The following UBTD2 variants were observed in gnomAD, a reference collection of about 807,000 sequenced individuals.
UBTD2 encodes ubiquitin domain containing 2, also known as ubiquitin domain-containing protein 2.
In UBTD2, 9 loss-of-function variants were observed where a neutral mutation model predicts 19.8. The observed-to-expected ratio is 0.46, with a 90% CI of 0.27 to 0.79. UBTD2 has a LOEUF of 0.79. UBTD2 is among the 30% of genes least tolerant of loss of function. The probability of loss-of-function intolerance (pLI) is 0.14; values close to 1 mark genes in which losing one functional copy is unlikely to be tolerated. For synonymous variants in UBTD2, 98 were observed against 103.9 expected (o/e 0.94, Z 0.35); for missense variants, 250 against 300.4 (o/e 0.83, Z 1.24).
intron 1 of UBTD2, among the ~76,000 whole-genome samples, chr5:172,276,731 G>C (rs925969247): frequency 1.3e-5 from 2 of 151,772 alleles, no homozygotes; most frequent in Non-Finnish European, 2.9e-5. Flanking sequence ...ACGGAAGAAA[G>C]GGAAAGGGGG....
chr5:172,265,899 A>C (rs939910213), intron 1 of UBTD2, among the ~76,000 whole-genome samples: 7 of 151,720 alleles, frequency 4.6e-5, no homozygotes, highest in Non-Finnish European at 8.8e-5. Context: ...GCTAGTTTTA[A>C]GAACTGTAAT....
chr5:172,249,891 T>C (rs1754958266), intron 1 of UBTD2, among the ~76,000 whole-genome samples: 2 of 152,152 alleles, frequency 1.3e-5, no homozygotes, highest in Admixed American at 1.3e-4. Context: ...AGAAGAAAAC[T>C]TCCTCAACAT....
chr5:172,220,035 C>A (rs1241570679), intron 2 of UBTD2, among the ~76,000 whole-genome samples: 1 of 151,742 alleles, frequency 6.6e-6, no homozygotes, highest in African/African-American at 2.4e-5. Flanking sequence ...ACATTACAAG[C>A]AAACTACAGA....
intron 1 of UBTD2, among the ~76,000 whole-genome samples, chr5:172,252,950 CAG>C (rs1254689426): frequency 6.6e-6 from 1 of 152,202 alleles, no homozygotes. Context: ...TTGAAGCAAA[CAG>C]AAAAAAACTA....
intron 1 of UBTD2, among the ~76,000 whole-genome samples, chr5:172,255,706 TC>T (rs1476968587): frequency 6.6e-6 from 1 of 152,070 alleles, no homozygotes; most frequent in Non-Finnish European, 1.5e-5. Flanking sequence ...CCGGCGCCGC[TC>T]GCTCAGCAAG....
intron 1 of UBTD2, among the ~76,000 whole-genome samples, chr5:172,269,951 C>A (rs1251781740): frequency 6.6e-6 from 1 of 151,618 alleles, no homozygotes; most frequent in East Asian, 2.0e-4. Context: ...GTTGCGCATG[C>A]CTGTAATCCC....
chr5:172,226,062 C>T (rs547657556), intron 2 of UBTD2, among the ~76,000 whole-genome samples: 2 of 151,836 alleles, frequency 1.3e-5, no homozygotes, highest in Non-Finnish European at 2.9e-5. Flanking sequence ...CTTAGCCTCC[C>T]AAAGTAGCTG....
intron 1 of UBTD2, among the ~76,000 whole-genome samples, chr5:172,280,489 G>A (rs375230114): frequency 2.0e-4 from 25 of 126,756 alleles, no homozygotes; most frequent in African/African-American, 5.4e-4. Flanking sequence ...CAGCCTGGGC[G>A]ACAGAGCAAG....
chr5:172,264,749 G>A (rs1381416653), intron 1 of UBTD2, among the ~76,000 whole-genome samples: 2 of 151,234 alleles, frequency 1.3e-5, no homozygotes, highest in South Asian at 2.1e-4. Flanking sequence ...AGTGGCATGC[G>A]CCTATAGTCC....
chr5:172,217,466 A>C (rs1344499499), intron 2 of UBTD2, among the ~76,000 whole-genome samples: 2 of 151,910 alleles, frequency 1.3e-5, no homozygotes, highest in African/African-American at 2.4e-5. Context: ...AGGTGAAATA[A>C]GAACCTTTAA....
chr5:172,260,059 C>G (rs1755234535), intron 1 of UBTD2, among the ~76,000 whole-genome samples: 1 of 147,224 alleles, frequency 6.8e-6, no homozygotes, highest in East Asian at 2.0e-4. Flanking sequence ...TCCGCCCCCA[C>G]CCCCTCCCCG....
chr5:172,275,464 T>C (rs1222507580), intron 1 of UBTD2, among the ~76,000 whole-genome samples: 1 of 152,168 alleles, frequency 6.6e-6, no homozygotes, highest in Admixed American at 6.5e-5. Flanking sequence ...TACAACCAGA[T>C]TAGTTTCACA....
In UBTD2 at chr5:172,278,484, A is replaced by T. The variant is rs1420971526; in HGVS notation, c.70+5112T>A. ...CAGCGAGCTGAGATCACACCATTGC[A>T]TTCCAGCCTAGGCAGAGTGAGACTC... On this transcript the variant is annotated intron_variant, in intron 1 of 2. Transcript: ENST00000393792. Among the ~76,000 whole-genome samples, 4 of 151,504 alleles carry T rather than the reference A, an allele frequency of 2.6e-5. No homozygotes were observed. The South Asian group carries it at 8.4e-4, about 32-fold the overall frequency.
intron 1 of UBTD2, among the ~76,000 whole-genome samples, chr5:172,243,335 G>C (rs1466297273): frequency 6.6e-6 from 1 of 152,094 alleles, no homozygotes; most frequent in African/African-American, 2.4e-5. Flanking sequence ...AATTTGTGTG[G>C]TGAAGATCTA....
chr5:172,235,937 T>C (rs543976308), intron 1 of UBTD2, among the ~76,000 whole-genome samples: 42 of 152,316 alleles, frequency 2.8e-4, no homozygotes, highest in African/African-American at 8.2e-4. Context: ...CAATGTTCTA[T>C]ATTTAATTGC....
intron 1 of UBTD2, among the ~76,000 whole-genome samples, chr5:172,263,789 T>C (rs927060808): frequency 6.6e-6 from 1 of 151,448 alleles, no homozygotes; most frequent in Non-Finnish European, 1.5e-5. Context: ...CGAGACTCCA[T>C]CTCAAAAAAA....
intron 2 of UBTD2, among the ~76,000 whole-genome samples, chr5:172,223,191 C>G (rs181720982): frequency 5.9e-5 from 9 of 152,246 alleles, no homozygotes; most frequent in Admixed American, 5.9e-4. Flanking sequence ...TTTAATTGTT[C>G]CAGGTTCCAT....
chr5:172,229,094 T>C (rs934159155), intron 2 of UBTD2, among the ~76,000 whole-genome samples: 15 of 152,058 alleles, frequency 9.9e-5, no homozygotes, highest in Non-Finnish European at 1.8e-4. Context: ...ACTGGCAACA[T>C]TTAGCTATAA....
intron 2 of UBTD2, among the ~76,000 whole-genome samples, chr5:172,226,065 A>G (rs535959916): frequency 1.5e-4 from 22 of 151,384 alleles, no homozygotes; most frequent in East Asian, 9.8e-4. Context: ...AGCCTCCCAA[A>G]GTAGCTGGGA....
Sources: allele counts gnomAD v4.1 joint callset (sites outside exome capture counted in the v4.1 genomes callset), GRCh38; gene constraint gnomAD v4.1.1; transcripts MANE v1.5; gene names NCBI Gene and HGNC (gene_info 2026-07-23, HGNC 2026-07-21).